UGT2A1: variants seen among roughly 807,000 people sequenced by gnomAD.
UGT2A1 encodes the protein UDP glucuronosyltransferase family 2 member A1 complex locus, also known as UDP-glucuronosyltransferase 2A1.
UGT2A1 carries 61 observed loss-of-function variants against 45.4 expected under a neutral mutation model. That is an observed-to-expected ratio of 1.34 (90% confidence interval 1.09 to 1.66). UGT2A1 has a LOEUF of 1.66. UGT2A1 is among the 40% of genes most tolerant of loss of function. UGT2A1 has a pLI of 0.00. For missense variants in UGT2A1, 649 were observed against 574.3 expected (o/e 1.13, Z -1.33); for synonymous variants, 229 against 196.2 (o/e 1.17, Z -1.40).
At chr4:69,597,970 T>C (rs1258686316) in intron 4 of UGT2A1, among the ~76,000 whole-genome samples, 1 of 152,148 alleles carries the variant, frequency 6.6e-6, no homozygotes, top group East Asian at 1.9e-4. Flanking sequence ...TTTGTCTTTG[T>C]GAAATTGTGA....
intron 1 of UGT2A1, 185 bp from the exon 2 acceptor site, chr4:69,647,883 G>C (rs1407256319): frequency 6.1e-6 from 2 of 326,046 alleles, no homozygotes; most frequent in Admixed American, 9.6e-5. Context: ...TAGTGTTTTA[G>C]TTATGATTCC....
At chr4:69,649,575 G>A (rs1433928496) in intron 1 of UGT2A1, among the ~76,000 whole-genome samples, 1 of 152,080 alleles carries the variant, frequency 6.6e-6, no homozygotes, top group Admixed American at 6.6e-5. Context: ...AGGTCCGTTG[G>A]TAAAATTCTT....
At chr4:69,638,547 A>G (rs1721849648) in intron 2 of UGT2A1, among the ~76,000 whole-genome samples, 1 of 152,164 alleles carries the variant, frequency 6.6e-6, no homozygotes, top group African/African-American at 2.4e-5. Flanking sequence ...GGCATGGTAA[A>G]TCATGTATCA....
chr4:69,615,249 A>G (rs1560479968), intron 3 of UGT2A1, among the ~76,000 whole-genome samples: 1 of 152,070 alleles, frequency 6.6e-6, no homozygotes, highest in Non-Finnish European at 1.5e-5. Context: ...CTAATCTTTA[A>G]GTTAAATCTC....
Position 69,599,410 on chromosome 4 carries a change from C to G in UGT2A1, c.848-16G>C. 1 of 1,610,720 alleles carries G rather than the reference C, an allele frequency of 6.2e-7. No homozygotes were observed. Among genetic ancestry groups the G allele is most frequent in the South Asian group, 1.1e-5 (1 of 90,376 alleles). ...GTGGGTCTTCCTGGAGAAAATGTAA[C>G]AAGTTGGATGGAGGAAATTAGCTTA... On this transcript the variant is annotated splice_polypyrimidine_tract_variant and intron_variant, in intron 3 of 6. Transcript: ENST00000286604.
chr4:69,595,136 C>T, intron 5 of UGT2A1, 26 bp downstream of exon 5: 3 of 1,613,006 alleles, frequency 1.9e-6, no homozygotes, highest in East Asian at 2.2e-5. Context: ...TCCCACTGTA[C>T]AGCTTTTCTT....
At chr4:69,633,585 CATTAAT>C (rs1213870206) in intron 3 of UGT2A1, among the ~76,000 whole-genome samples, 1 of 152,148 alleles carries the variant, frequency 6.6e-6, no homozygotes, top group Admixed American at 6.5e-5. Context: ...AAATGTGATA[CATTAAT>C]TCAATAGACT....
intron 1 of UGT2A1, among the ~76,000 whole-genome samples, chr4:69,649,741 T>C (rs1236797488): frequency 6.6e-6 from 1 of 152,080 alleles, no homozygotes; most frequent in Admixed American, 6.6e-5. Flanking sequence ...CTTTCCTTTT[T>C]TGGACATAAT....
intron 3 of UGT2A1, among the ~76,000 whole-genome samples, chr4:69,602,462 TTTA>T (rs551497661): frequency 0.026 from 3,196 of 120,766 alleles, 627 homozygotes; most frequent in African/African-American, 0.038. Context: ...GATTTAGGAG[TTTA>T]TCTATCTATC....
At chr4:69,642,527 T>G (rs1418104512) in intron 2 of UGT2A1, among the ~76,000 whole-genome samples, 3 of 151,770 alleles carry the variant, frequency 2.0e-5, no homozygotes, top group Admixed American at 6.6e-5. Context: ...TCTTTAAAAT[T>G]ACTACTGAAA....
At chr4:69,626,001 G>C (rs1001945549) in intron 3 of UGT2A1, among the ~76,000 whole-genome samples, 1 of 151,520 alleles carries the variant, frequency 6.6e-6, no homozygotes. Flanking sequence ...AGCTGTTTTA[G>C]AGTACTTGTC....
chr4:69,607,644 G>A (rs78359195), intron 3 of UGT2A1, among the ~76,000 whole-genome samples: 35,319 of 151,848 alleles, frequency 0.23, 4,284 homozygotes, highest in Middle Eastern at 0.32. Context: ...CCTACAGAAT[G>A]GGAGAAAATT....
chr4:69,650,071 G>A (rs138829907), intron 1 of UGT2A1, among the ~76,000 whole-genome samples: 31 of 152,024 alleles, frequency 2.0e-4, no homozygotes, highest in African/African-American at 7.2e-4. Context: ...CAATCCTCTT[G>A]GGCCCCCTCT....
intron 1 of UGT2A1, among the ~76,000 whole-genome samples, chr4:69,648,454 C>A (rs1019149647): frequency 6.6e-6 from 1 of 151,888 alleles, no homozygotes; most frequent in Non-Finnish European, 1.5e-5. Context: ...ATCTAGCCTG[C>A]ATGAAAAACA....
rs1719609804 is a variant in UGT2A1, at chr4:69,606,332, A to G, written c.848-6938T>C. On this transcript the variant is annotated intron_variant, in intron 3 of 6. Transcript: ENST00000286604. ...AACCAAAGACAAAAACCACATGATTATCTCAATAGATGCAGAAAAGGCCTT... is the reference window on the plus strand; with the variant it reads ...AACCAAAGACAAAAACCACATGATTGTCTCAATAGATGCAGAAAAGGCCTT... Among the ~76,000 whole-genome samples the G allele has an allele frequency of 1.5e-5, 2 of 136,760 alleles. 1 individual carries two copies. The highest frequency in any genetic ancestry group is 1.4e-4 in the Admixed American group (2 of 13,894). 89.7% of individuals were successfully genotyped at this position (136,760 alleles called of 152,430 possible). A position where few individuals can be genotyped will look rare whatever the true frequency, so the allele number is the denominator to read the frequency against.
rs369701259 is a variant in UGT2A1 at position 69,594,476 on chromosome 4, C to T, written c.1304+1G>A. 11 of 1,613,982 alleles carry T rather than the reference C, an allele frequency of 6.8e-6. No individual in the cohort carries two copies. The highest frequency in any genetic ancestry group is 6.7e-5 in the East Asian group (3 of 44,868). On this transcript the variant is annotated splice_donor_variant, in intron 6 of 6. Coordinates refer to ENST00000286604, the MANE Select transcript of UGT2A1 (RefSeq NM_001252275.3). LOFTEE classifies it high-confidence loss of function. ...AAGTTTTTAGGAGCCTTAGTACTTA[C>T]GAAGGTTCATTAATGACTGTTCTCA...
rs528609591 is a variant in UGT2A1 at position 69,606,592 on chromosome 4, G to A, written c.848-7198C>T. On this transcript the variant is annotated intron_variant, in intron 3 of 6. Transcript: ENST00000286604. ...GGCCAGTGCAATCAGGCAGGAGAAG[G>A]AAATAAAGGGTATTCAATTAGGAAA... 5.3e-4 allele frequency among the ~76,000 whole-genome samples: 72 copies of A among 136,348 alleles called. 17 individuals carry two copies. The highest frequency in any genetic ancestry group is 2.0e-3 in the African/African-American group (68 of 33,644). The allele number at this position is 136,348 out of a possible 152,430, so 89.4% of individuals were successfully genotyped here.
Position 69,635,838 on chromosome 4 carries a change from A to AAAAAAAAC in UGT2A1, c.716-17_716-16insGTTTTTTT, listed in dbSNP as rs1721663649. The AAAAAAAAC allele has an allele frequency of 6.9e-6, 1 of 145,462 alleles. No homozygotes were observed. The highest frequency in any genetic ancestry group is 1.5e-5 in the Non-Finnish European group (1 of 67,288). 9.0% of individuals were successfully genotyped at this position (145,462 alleles called of 1,614,324 possible). On this transcript the variant is annotated splice_polypyrimidine_tract_variant and intron_variant, in intron 2 of 6. Coordinates refer to ENST00000286604, the MANE Select transcript of UGT2A1 (RefSeq NM_001252275.3). ...AAGAGTCCACCTCACCAAAAAAAAA[A>AAAAAAAAC]AAAAAAAAAAAAGAGAGAGAGAGAG...
chr4:69,592,667 A>T (rs1718654480), intron 6 of UGT2A1, among the ~76,000 whole-genome samples: 2 of 152,142 alleles, frequency 1.3e-5, no homozygotes, highest in African/African-American at 4.8e-5. Context: ...ATGAATTAAT[A>T]ATAGTAAAAA....
Sources: gnomAD v4.1 joint callset for allele counts (sites outside exome capture counted in the v4.1 genomes callset) on GRCh38, gnomAD v4.1.1 for gene constraint, MANE v1.5 for transcripts, NCBI Gene and HGNC (gene_info 2026-07-23, HGNC 2026-07-21) for gene names.